TMCC1: variants seen among roughly 807,000 people sequenced by gnomAD.
TMCC1 encodes the protein transmembrane and coiled-coil domain family 1, also known as transmembrane and coiled-coil domains protein 1.
Under a neutral mutation model 52.4 loss-of-function variants are expected in TMCC1, and 15 were observed. The ratio of observed to expected loss-of-function variants is 0.29; its 90% confidence interval spans 0.19 to 0.44. TMCC1 has a LOEUF of 0.44. TMCC1 is among the 20% of genes least tolerant of loss of function. The pLI, the probability that TMCC1 is intolerant of heterozygous loss-of-function variation, is 1.00. For missense variants in TMCC1, 503 were observed against 806.0 expected, an observed-to-expected ratio of 0.62 and a Z score of 4.55; for synonymous variants, 279 against 301.9, an observed-to-expected ratio of 0.92 and a Z score of 0.79.
intron 3 of TMCC1, among the ~76,000 whole-genome samples, chr3:129,830,324 T>C (rs1433385475): frequency 6.6e-6 from 1 of 152,238 alleles, no homozygotes; most frequent in African/African-American, 2.4e-5. Flanking sequence ...ATAGTTTATA[T>C]ATTTAATTAT....
chr3:129,651,002 C>T lies in TMCC1; in HGVS notation c.*479G>A, dbSNP rs1299401185. On this transcript the variant is annotated 3_prime_UTR_variant, in exon 7 of 7. Transcript: ENST00000393238. This position sits in a 1 kb window ranked among gnomAD's most constrained non-coding sequence, Gnocchi z 5.1. Reference sequence around the variant, plus strand: ...TTCCACGGACAACGAAAATCCACCCCGAATCCAAAAATTCAGACATGGAAT... The same window carrying T: ...TTCCACGGACAACGAAAATCCACCCTGAATCCAAAAATTCAGACATGGAAT... 1.9e-5 allele frequency: 3 copies of T among 154,336 alleles called. No homozygotes were observed. The highest frequency in any genetic ancestry group is 7.2e-5 in the African/African-American group (3 of 41,424). 9.6% of individuals were successfully genotyped at this position (154,336 alleles called of 1,614,324 possible).
chr3:129,680,250 C>T (rs2088853239), intron 4 of TMCC1, among the ~76,000 whole-genome samples: 1 of 152,152 alleles, frequency 6.6e-6, no homozygotes, highest in Non-Finnish European at 1.5e-5. Context: ...AAGTGGAAGA[C>T]TCAATCTGGT....
At chr3:129,796,728 C>T (rs1010969828) in intron 4 of TMCC1, among the ~76,000 whole-genome samples, 1 of 152,142 alleles carries the variant, frequency 6.6e-6, no homozygotes, top group African/African-American at 2.4e-5. Context: ...GGAGTCCTAA[C>T]TACTTGGGAG....
chr3:129,784,261 A>G (rs919680218), intron 4 of TMCC1, among the ~76,000 whole-genome samples: 10 of 152,124 alleles, frequency 6.6e-5, no homozygotes, highest in Admixed American at 5.9e-4. Context: ...CATAAGGTTT[A>G]TATCGGGGTA....
At chr3:129,804,433 T>C (rs898151869) in intron 4 of TMCC1, among the ~76,000 whole-genome samples, 1 of 152,164 alleles carries the variant, frequency 6.6e-6, no homozygotes, top group Non-Finnish European at 1.5e-5. Flanking sequence ...GCCTTTTACC[T>C]CCATTAGGCC....
chr3:129,760,609 C>T (rs577096635), intron 4 of TMCC1, among the ~76,000 whole-genome samples: 6 of 151,968 alleles, frequency 3.9e-5, no homozygotes, highest in Non-Finnish European at 8.8e-5. Context: ...TCCTAAGTAG[C>T]TGGGACTACA....
intron 2 of TMCC1, chr3:129,847,271 T>TA (rs1033231104): frequency 6.6e-6 from 1 of 152,208 alleles, no homozygotes; most frequent in Non-Finnish European, 1.5e-5. Context: ...ATGGTCAAGT[T>TA]AGAGTGTCCA....
chr3:129,733,608 GT>G (rs2050716229), intron 4 of TMCC1, among the ~76,000 whole-genome samples: 1 of 152,166 alleles, frequency 6.6e-6, no homozygotes, highest in East Asian at 1.9e-4. Context: ...AATTTGGAAA[GT>G]GGAAATGCCC....
chr3:129,822,369 G>A (rs370340733), intron 4 of TMCC1, among the ~76,000 whole-genome samples: 2 of 152,134 alleles, frequency 1.3e-5, no homozygotes, highest in East Asian at 1.9e-4. Context: ...GAGCCCAGAA[G>A]TTTGAGGATG....
intron 4 of TMCC1, among the ~76,000 whole-genome samples, chr3:129,785,575 A>G (rs1008476139): frequency 8.2e-5 from 12 of 146,990 alleles, no homozygotes; most frequent in Non-Finnish European, 1.5e-4. Flanking sequence ...ACACACACAC[A>G]CACACACACA....
At chr3:129,690,218 A>G (rs907703302) in intron 4 of TMCC1, among the ~76,000 whole-genome samples, 9 of 152,206 alleles carry the variant, frequency 5.9e-5, no homozygotes, top group Non-Finnish European at 8.8e-5. Context: ...AAGAGAATCC[A>G]TATTTTTTGC....
chr3:129,837,724 CAGTA>C (rs1230411687), intron 2 of TMCC1, among the ~76,000 whole-genome samples: 2 of 152,000 alleles, frequency 1.3e-5, no homozygotes, highest in Non-Finnish European at 2.9e-5. Context: ...AACTACAAGA[CAGTA>C]AATTAGAACG....
At chr3:129,721,837 C>T (rs1463304364) in intron 4 of TMCC1, among the ~76,000 whole-genome samples, 1 of 151,914 alleles carries the variant, frequency 6.6e-6, no homozygotes, top group Non-Finnish European at 1.5e-5. Context: ...GATGGCGCCA[C>T]TGCACTCCAG....
intron 4 of TMCC1, among the ~76,000 whole-genome samples, chr3:129,762,781 C>T (rs926972901): frequency 6.6e-6 from 1 of 151,500 alleles, no homozygotes; most frequent in African/African-American, 2.4e-5. Flanking sequence ...GGCTATGTCT[C>T]AAAAAAAGTT....
At chr3:129,842,477 A>AC (rs1560529071) in intron 2 of TMCC1, among the ~76,000 whole-genome samples, 2 of 147,650 alleles carry the variant, frequency 1.4e-5, no homozygotes, top group African/African-American at 2.5e-5. Context: ...AAAAAAACAA[A>AC]ACACACACAC....
At chr3:129,704,579 C>T (rs545497632) in intron 4 of TMCC1, among the ~76,000 whole-genome samples, 4 of 152,076 alleles carry the variant, frequency 2.6e-5, no homozygotes, top group Non-Finnish European at 5.9e-5. Context: ...CCACGACGCC[C>T]GGCTAATTTT....
Position 129,670,715 on chromosome 3 carries a change from T to C in TMCC1, c.1126A>G (p.Ile376Val). 6.2e-7 allele frequency: 1 copy of C among 1,614,212 alleles called. No individual in the cohort carries two copies. The highest frequency in any genetic ancestry group is 8.5e-7 in the Non-Finnish European group (1 of 1,180,036). ...TCTGCACTGCCAAATTTGTTCCGAA[T>C]GAGTGAGGCAATCTCTCTGGGCTTT... is the stretch of plus-strand genomic sequence containing the variant. Reference protein sequence around the residue: ...VSKPREIASLIRNKFGSADNI... With the variant: ...VSKPREIASLVRNKFGSADNI... The change falls in exon 5 of 7, where the codon ATT becomes GTT. Residue 376 changes from isoleucine (I) to valine (V), a missense_variant. By Grantham distance (29) the Ile-to-Val change is conservative. Transcript: ENST00000393238.
Position 129,833,119 on chromosome 3 carries a change from A to T in TMCC1, c.-183-293T>A, listed in dbSNP as rs1202935818. On this transcript the variant is annotated intron_variant, in intron 2 of 6. Transcript: ENST00000393238. ...ATTTTAAGAAGCAATAAATATTTTA[A>T]CATTATCATACTGAATAAGGAATGG... Among the ~76,000 whole-genome samples the T allele has an allele frequency of 2.0e-5, 3 of 152,248 alleles. No individual in the cohort carries two copies. In the East Asian group the frequency reaches 5.8e-4, roughly 29 times the overall value.
chr3:129,751,858 A>G (rs1044289115), intron 4 of TMCC1, among the ~76,000 whole-genome samples: 4 of 152,074 alleles, frequency 2.6e-5, no homozygotes, highest in African/African-American at 7.2e-5. Flanking sequence ...CATGCCCAGC[A>G]CACTATAATA....
Sources: allele counts gnomAD v4.1 joint callset (sites outside exome capture counted in the v4.1 genomes callset), GRCh38; gene constraint gnomAD v4.1.1; non-coding constraint Gnocchi (gnomAD v3.1); transcripts MANE v1.5; gene names NCBI Gene and HGNC (gene_info 2026-07-23, HGNC 2026-07-21).